The following ABTB2 variants were observed in gnomAD, a reference collection of about 807,000 sequenced individuals.
ABTB2 encodes ankyrin repeat and BTB domain containing 2.
ABTB2 carries 56 observed loss-of-function variants against 104.1 expected under a neutral mutation model. The ratio of observed to expected loss-of-function variants is 0.54; its 90% confidence interval spans 0.43 to 0.67. The LOEUF (loss-of-function observed/expected upper bound fraction) is 0.67, where lower values mean the gene tolerates loss of function less well. Ranked by LOEUF, ABTB2 falls within the 30% of genes least tolerant of loss-of-function variation. The pLI, the probability that ABTB2 is intolerant of heterozygous loss-of-function variation, is 0.00. For missense variants in ABTB2, 1,279 were observed against 1,407.7 expected (o/e 0.91, Z 1.46); for synonymous variants, 606 against 608.2 (o/e 1.00, Z 0.05).
In ABTB2 at chr11:34,161,002, G is replaced by T. The variant is rs1304099940; in HGVS notation, c.2298C>A (p.Ser766Arg). The T allele has an allele frequency of 6.2e-7, 1 of 1,613,584 alleles. No individual in the cohort carries two copies. Among genetic ancestry groups the T allele is most frequent in the Non-Finnish European group, 8.5e-7 (1 of 1,179,902 alleles). ...TGATGGAGCTGAAGTCCCGCAGGAG[G>T]CTCTGCACCACCGAGTACCGCGACT... ...FSQSRYSVVQ[S>R]LLRDFSSIRE... is the part of the protein sequence containing the mutation. The change falls in exon 11 of 17, where the codon AGC (serine) becomes AGA (arginine). Residue 766 changes from serine (S) to arginine (R), a missense_variant. Transcript: ENST00000435224.
intron 1 of ABTB2, among the ~76,000 whole-genome samples, chr11:34,250,652 A>G (rs919396046): frequency 6.6e-6 from 1 of 152,234 alleles, no homozygotes; most frequent in Admixed American, 6.5e-5. Flanking sequence ...ACGCTTCATC[A>G]TTCTAGTCTC....
At chr11:34,179,544 C>T (rs147618182) in intron 3 of ABTB2, among the ~76,000 whole-genome samples, 8 of 152,304 alleles carry the variant, frequency 5.3e-5, no homozygotes, top group Non-Finnish European at 7.4e-5. Context: ...ATGCTCCTGG[C>T]AAAGGGATCC....
chr11:34,205,624 G>T (rs752341868), intron 1 of ABTB2, among the ~76,000 whole-genome samples: 3 of 150,450 alleles, frequency 2.0e-5, no homozygotes, highest in Non-Finnish European at 4.4e-5. Flanking sequence ...CTTTTTTAAA[G>T]AAAAATACCC....
At chr11:34,235,008 C>T (rs11032572) in intron 1 of ABTB2, among the ~76,000 whole-genome samples, 16,840 of 152,172 alleles carry the variant, frequency 0.11, 1,209 homozygotes, top group Non-Finnish European at 0.16. Context: ...TAGGCGCCCG[C>T]CACGGCGCCT....
At chr11:34,239,369 G>C (rs945729647) in intron 1 of ABTB2, among the ~76,000 whole-genome samples, 2 of 151,810 alleles carry the variant, frequency 1.3e-5, no homozygotes, top group Non-Finnish European at 2.9e-5. Flanking sequence ...TTGGAGACAG[G>C]GTGCCCCATG....
chr11:34,163,933 G>A lies in ABTB2; in HGVS notation c.1988+753C>T, dbSNP rs1228421002. On this transcript the variant is annotated intron_variant, in intron 9 of 16. Coordinates refer to ENST00000435224, the MANE Select transcript of ABTB2 (RefSeq NM_145804.3). ...TGGAGCGGCCTAGAGGTGGTGATGTGAAAGATGGCGCCTGGAGGGTGAGGG... is the reference window on the plus strand; with the variant it reads ...TGGAGCGGCCTAGAGGTGGTGATGTAAAAGATGGCGCCTGGAGGGTGAGGG... 3.4e-5 allele frequency among the ~76,000 whole-genome samples: 5 copies of A among 147,978 alleles called. No homozygotes were observed. In the East Asian group the frequency reaches 1.0e-3, roughly 30 times the overall value.
chr11:34,190,259 C>A (rs1853156108), intron 3 of ABTB2, among the ~76,000 whole-genome samples: 1 of 115,588 alleles, frequency 8.7e-6, no homozygotes, highest in Admixed American at 1.1e-4. Context: ...CCACCCCTGC[C>A]CCGCTGCCCC....
At chr11:34,354,552 A>G (rs1855440373) in intron 1 of ABTB2, among the ~76,000 whole-genome samples, 1 of 152,138 alleles carries the variant, frequency 6.6e-6, no homozygotes, top group South Asian at 2.1e-4. Context: ...AATCCCAAGG[A>G]ATGCTGACCC....
chr11:34,199,556 T>G (rs1356604734), intron 2 of ABTB2, among the ~76,000 whole-genome samples: 1 of 152,214 alleles, frequency 6.6e-6, no homozygotes, highest in African/African-American at 2.4e-5. Flanking sequence ...AACTGATAGA[T>G]TGATTCAAGT....
At chr11:34,293,173 T>C (rs1430098915) in intron 1 of ABTB2, among the ~76,000 whole-genome samples, 1 of 152,062 alleles carries the variant, frequency 6.6e-6, no homozygotes, top group Non-Finnish European at 1.5e-5. Flanking sequence ...CGAGGATAGC[T>C]GCTAGGTTTT....
intron 9 of ABTB2, among the ~76,000 whole-genome samples, chr11:34,163,635 G>A (rs566800364): frequency 3.3e-5 from 5 of 152,302 alleles, no homozygotes; most frequent in African/African-American, 7.2e-5. Flanking sequence ...CGGCTACCCC[G>A]CAGATCCTCC....
intron 1 of ABTB2, among the ~76,000 whole-genome samples, chr11:34,293,229 G>T (rs912017046): frequency 1.3e-5 from 2 of 152,186 alleles, no homozygotes; most frequent in South Asian, 2.1e-4. Flanking sequence ...GTCGAGGGGG[G>T]GCCCAGGGAG....
chr11:34,183,772 C>T (rs192041562), intron 3 of ABTB2, among the ~76,000 whole-genome samples: 4 of 152,280 alleles, frequency 2.6e-5, no homozygotes, highest in South Asian at 2.1e-4. Flanking sequence ...GCACAGAAGC[C>T]GGTGTTAGAA....
rs759547573 is a variant in ABTB2, at chr11:34,162,717, C to T, written c.2077G>A (p.Glu693Lys). The change falls in exon 10 of 17, where the codon GAA becomes AAA. Residue 693 changes from glutamate to lysine, a missense_variant. Transcript: ENST00000435224. ...CTGCCCTGGCTCGACGCATCACTTTCCTCCACACCCTCGGCCAGGATCTCC... is the reference window on the plus strand; with the variant it reads ...CTGCCCTGGCTCGACGCATCACTTTTCTCCACACCCTCGGCCAGGATCTCC... Reference protein sequence around the residue: ...LEEILAEGVEESDASSQGSGS... With the variant: ...LEEILAEGVEKSDASSQGSGS... The T allele has an allele frequency of 4.3e-6, 7 of 1,612,208 alleles. No individual in the cohort carries two copies. The highest frequency in any genetic ancestry group is 5.1e-6 in the Non-Finnish European group (6 of 1,180,032).
chr11:34,295,008 C>G (rs894573010), intron 1 of ABTB2, among the ~76,000 whole-genome samples: 1 of 152,050 alleles, frequency 6.6e-6, no homozygotes, highest in Non-Finnish European at 1.5e-5. Context: ...GCCACCACGC[C>G]GGGCCTCTAC....
At position 34,152,224 on chromosome 11, in the gene ABTB2, AGAG is replaced by A. The variant is rs1852552188; in HGVS notation, c.*160_*162del. On this transcript the variant is annotated 3_prime_UTR_variant, in exon 17 of 17. Coordinates refer to ENST00000435224, the MANE Select transcript of ABTB2 (RefSeq NM_145804.3). ...GTGATTGAACAAACAGCTCTAGGGC[AGAG>A]GAGATGAGGGTGAGCTGCCCGGTGA... 4 of 724,914 alleles carry A rather than the reference AGAG, an allele frequency of 5.5e-6. No homozygotes were observed. Among genetic ancestry groups the A allele is most frequent in the Admixed American group, 2.8e-5 (1 of 36,306 alleles). 44.9% of individuals were successfully genotyped at this position (724,914 alleles called of 1,614,324 possible).
chr11:34,233,333 C>CT (rs112892657), intron 1 of ABTB2, among the ~76,000 whole-genome samples: 135,371 of 145,666 alleles, frequency 0.93, 63,079 homozygotes, highest in Non-Finnish European at 0.97. Context: ...CTCACTGCAG[C>CT]TTTTTTTTTT....
intron 1 of ABTB2, among the ~76,000 whole-genome samples, chr11:34,283,435 C>G (rs533680528): frequency 6.6e-6 from 1 of 152,220 alleles, no homozygotes; most frequent in Admixed American, 6.5e-5. Context: ...AGGCTGATCT[C>G]GAACTCCTGA....
intron 3 of ABTB2, among the ~76,000 whole-genome samples, chr11:34,196,552 T>TAAAAAAA (rs1360851353): frequency 6.7e-6 from 1 of 148,690 alleles, no homozygotes; most frequent in African/African-American, 2.5e-5. Flanking sequence ...AGACTCCGTC[T>TAAAAAAA]AAAAAAAAAA....
Sources: gnomAD v4.1 joint callset for allele counts (sites outside exome capture counted in the v4.1 genomes callset) on GRCh38, gnomAD v4.1.1 for gene constraint, MANE v1.5 for transcripts, NCBI Gene and HGNC (gene_info 2026-07-23, HGNC 2026-07-21) for gene names.